The following KPNA1 variants were observed in gnomAD, a reference collection of about 807,000 sequenced individuals.
The protein encoded by KPNA1 is karyopherin subunit alpha 1, also known as importin subunit alpha-5.
KPNA1 carries 10 observed loss-of-function variants against 70.5 expected under a neutral mutation model. The ratio of observed to expected loss-of-function variants is 0.14; its 90% CI spans 0.09 to 0.24. The LOEUF is 0.24. Among genes scored for constraint, KPNA1 ranks in the 10% least tolerant of loss-of-function variants. The pLI is 1.00. For synonymous variants in KPNA1, 192 were observed against 221.9 expected, an observed-to-expected ratio of 0.87 and a Z score of 1.20; for missense variants, 397 against 637.9, an observed-to-expected ratio of 0.62 and a Z score of 4.07.
chr3:122,487,007 A>G (rs763091898), intron 2 of KPNA1, among the ~76,000 whole-genome samples: 19 of 152,200 alleles, frequency 1.2e-4, no homozygotes, highest in Non-Finnish European at 2.5e-4. Context: ...GCTAAGGGAA[A>G]GGTCTTCTTT....
chr3:122,487,873 C>T (rs1364405167), intron 2 of KPNA1, among the ~76,000 whole-genome samples: 1 of 152,044 alleles, frequency 6.6e-6, no homozygotes, highest in East Asian at 1.9e-4. Context: ...GAACTGTACA[C>T]TTAAAAATGA....
Position 122,435,971 on chromosome 3 carries a change from G to T in KPNA1, c.1122+1199C>A, listed in dbSNP as rs373989745. Among the ~76,000 whole-genome samples, 5 of 152,210 alleles carry T rather than the reference G, an allele frequency of 3.3e-5. No homozygotes were observed. The East Asian group carries it at 9.6e-4, about 29-fold the overall frequency. ...AGATAACCATCAGGTCTGACTGCCT[G>T]AGAGCTAGGCGGAACAGAGCTATTA... On this transcript the variant is annotated intron_variant, in intron 11 of 13. Coordinates refer to ENST00000344337, the MANE Select transcript of KPNA1 (RefSeq NM_002264.4).
intron 5 of KPNA1, chr3:122,459,497 C>T: frequency 4.1e-6 from 4 of 985,340 alleles, no homozygotes; most frequent in Non-Finnish European, 4.8e-6. Flanking sequence ...CTCATTTGGT[C>T]CCTCTGGTTC....
chr3:122,501,807 A>G (rs571405421), intron 1 of KPNA1, among the ~76,000 whole-genome samples: 3 of 152,238 alleles, frequency 2.0e-5, no homozygotes, highest in South Asian at 2.1e-4. Context: ...CTCTACTGAA[A>G]GTGGGGTACT....
chr3:122,480,837 A>C (rs2076563281), intron 2 of KPNA1, among the ~76,000 whole-genome samples: 1 of 152,094 alleles, frequency 6.6e-6, no homozygotes, highest in African/African-American at 2.4e-5. Flanking sequence ...AAATAATAAA[A>C]AATTAGCTAG....
At chr3:122,506,431 G>C (rs1333684852) in intron 1 of KPNA1, among the ~76,000 whole-genome samples, 1 of 152,164 alleles carries the variant, frequency 6.6e-6, no homozygotes, top group African/African-American at 2.4e-5. Context: ...ACAGCTTCTA[G>C]TCAAACGATA....
intron 1 of KPNA1, among the ~76,000 whole-genome samples, chr3:122,510,945 G>C (rs1043168266): frequency 1.3e-5 from 2 of 152,102 alleles, no homozygotes; most frequent in Non-Finnish European, 1.5e-5. Context: ...ACTACATCTA[G>C]TTTGTTCTGC....
intron 12 of KPNA1, among the ~76,000 whole-genome samples, chr3:122,431,581 G>C (rs1310439675): frequency 6.6e-6 from 1 of 152,134 alleles, no homozygotes; most frequent in South Asian, 2.1e-4. Context: ...TTGTAATTTG[G>C]ACTGTAATAT....
At chr3:122,480,114 C>T (rs949916797) in intron 2 of KPNA1, among the ~76,000 whole-genome samples, 1 of 152,020 alleles carries the variant, frequency 6.6e-6, no homozygotes, top group African/African-American at 2.4e-5. Context: ...CTGGAAAAGG[C>T]AAAACTATGG....
intron 11 of KPNA1, among the ~76,000 whole-genome samples, chr3:122,435,466 G>A (rs2075972769): frequency 6.6e-6 from 1 of 152,130 alleles, no homozygotes; most frequent in African/African-American, 2.4e-5. Flanking sequence ...AATCTACATG[G>A]GTCCACTGGA....
rs1221540564 is a variant in KPNA1 at position 122,424,927 on chromosome 3, TTTAAA to T, written c.*2053_*2057del. On this transcript the variant is annotated 3_prime_UTR_variant, in exon 14 of 14. Transcript: ENST00000344337. ...GTAAAGGCAACATTGAAATTTCTTC[TTTAAA>T]TTAACCACCTAATTTATCCCTAAAA... 6.5e-6 allele frequency: 1 copy of T among 152,710 alleles called. No individual in the cohort carries two copies. Among genetic ancestry groups the T allele is most frequent in the Admixed American group, 6.5e-5 (1 of 15,286 alleles). The allele number at this position is 152,710 out of a possible 1,614,324, so 9.5% of individuals were successfully genotyped here.
At chr3:122,497,679 A>G (rs1457952657) in intron 1 of KPNA1, among the ~76,000 whole-genome samples, 1 of 152,192 alleles carries the variant, frequency 6.6e-6, no homozygotes, top group East Asian at 1.9e-4. Flanking sequence ...AATGAGATAG[A>G]GCAACTTTTC....
intron 5 of KPNA1, among the ~76,000 whole-genome samples, chr3:122,454,543 A>C (rs950579369): frequency 5.9e-5 from 9 of 152,252 alleles, no homozygotes; most frequent in Admixed American, 4.6e-4. Flanking sequence ...TCTAATAAAA[A>C]AGATTTAAAA....
intron 10 of KPNA1, among the ~76,000 whole-genome samples, chr3:122,438,192 C>G (rs1407166581): frequency 6.6e-6 from 1 of 152,114 alleles, no homozygotes; most frequent in Non-Finnish European, 1.5e-5. Flanking sequence ...GTATGTAGCA[C>G]CTTCTCCTAC....
At chr3:122,445,689 A>T (rs1008664223) in intron 9 of KPNA1, among the ~76,000 whole-genome samples, 1 of 152,246 alleles carries the variant, frequency 6.6e-6, no homozygotes, top group South Asian at 2.1e-4. Context: ...TTAATTGTAA[A>T]TGGGTTAAAT....
chr3:122,514,605 G>C (rs2076996759), intron 1 of KPNA1, 152 bp downstream of exon 1: 1 of 151,690 alleles, frequency 6.6e-6, no homozygotes, highest in Non-Finnish European at 1.5e-5. Context: ...CGTGACGCAC[G>C]GACGCGGCGC....
chr3:122,429,321 G>A (rs1482982040), intron 12 of KPNA1, among the ~76,000 whole-genome samples: 2 of 151,684 alleles, frequency 1.3e-5, no homozygotes, highest in East Asian at 1.9e-4. Flanking sequence ...CATGGCAGCG[G>A]GCACCTGTAT....
chr3:122,477,416 T>G (rs2076515169), intron 2 of KPNA1, among the ~76,000 whole-genome samples: 1 of 152,140 alleles, frequency 6.6e-6, no homozygotes, highest in South Asian at 2.1e-4. Flanking sequence ...AGACAACAGA[T>G]TAGCCAGGCA....
intron 2 of KPNA1, among the ~76,000 whole-genome samples, chr3:122,469,237 T>C (rs1450241100): frequency 6.6e-6 from 1 of 151,876 alleles, no homozygotes; most frequent in African/African-American, 2.4e-5. Flanking sequence ...AGGCCTTTCC[T>C]GGGCCTTAAA....
Sources: allele counts gnomAD v4.1 joint callset (sites outside exome capture counted in the v4.1 genomes callset), GRCh38; gene constraint gnomAD v4.1.1; transcripts MANE v1.5; gene names NCBI Gene and HGNC (gene_info 2026-07-23, HGNC 2026-07-21).